Variants in CDH4 observed in about 807,000 individuals in gnomAD.
CDH4 encodes cadherin 4, also known as cadherin-4.
Under a neutral mutation model 86.0 loss-of-function variants are expected in CDH4, and 33 were observed. The observed-to-expected ratio is 0.38, with a 90% CI of 0.29 to 0.51. The LOEUF (loss-of-function observed/expected upper bound fraction) is 0.51, where lower values mean the gene tolerates loss of function less well. Ranked by LOEUF, CDH4 falls within the 20% of genes least tolerant of loss-of-function variation. CDH4 has a pLI of 0.86. For synonymous variants in CDH4, 555 were observed against 549.4 expected, an observed-to-expected ratio of 1.01 and a Z score of -0.14; for missense variants, 1,114 against 1,307.4, an observed-to-expected ratio of 0.85 and a Z score of 2.28.
intron 8 of CDH4, 146 bp downstream of exon 8, chr20:61,895,193 C>G (rs1317628717): frequency 6.0e-6 from 6 of 994,768 alleles, no homozygotes; most frequent in Non-Finnish European, 8.9e-6. Flanking sequence ...GCAGCGGAGG[C>G]TGCTGTGTGG....
intron 4 of CDH4, among the ~76,000 whole-genome samples, chr20:61,797,231 G>A (rs1248843558): frequency 2.0e-5 from 3 of 151,912 alleles, no homozygotes; most frequent in African/African-American, 7.3e-5. Flanking sequence ...CATCCATTCC[G>A]CAGGGTGGGG....
intron 3 of CDH4, among the ~76,000 whole-genome samples, chr20:61,771,981 G>C (rs1383975230): frequency 6.6e-6 from 1 of 152,196 alleles, no homozygotes; most frequent in Middle Eastern, 3.2e-3. Flanking sequence ...CTGGCAACTG[G>C]GAGGCAGAGG....
At chr20:61,557,503 C>T (rs990160869) in intron 2 of CDH4, among the ~76,000 whole-genome samples, 1 of 152,198 alleles carries the variant, frequency 6.6e-6, no homozygotes, top group Non-Finnish European at 1.5e-5. Flanking sequence ...TTATGCCCTC[C>T]AGGACCTTGG....
chr20:61,335,975 C>A (rs1398377936), intron 2 of CDH4, among the ~76,000 whole-genome samples: 1 of 152,060 alleles, frequency 6.6e-6, no homozygotes, highest in Non-Finnish European at 1.5e-5. Context: ...GAAACGCGGC[C>A]CACATCATGA....
At chr20:61,886,847 G>T (rs913765608) in intron 7 of CDH4, among the ~76,000 whole-genome samples, 2 of 152,222 alleles carry the variant, frequency 1.3e-5, no homozygotes, top group African/African-American at 2.4e-5. Context: ...TTGGGGCACC[G>T]GGAGGAGGTG....
intron 2 of CDH4, among the ~76,000 whole-genome samples, chr20:61,398,673 G>T (rs577775851): frequency 6.6e-6 from 1 of 152,184 alleles, no homozygotes; most frequent in Non-Finnish European, 1.5e-5. Flanking sequence ...CCATGTCTAC[G>T]AACTGAATTG....
intron 2 of CDH4, among the ~76,000 whole-genome samples, chr20:61,649,583 T>C (rs2087100260): frequency 6.6e-6 from 1 of 152,192 alleles, no homozygotes; most frequent in Non-Finnish European, 1.5e-5. Flanking sequence ...CCGGCACTGA[T>C]GACAGGTGCA....
At chr20:61,809,944 C>T (rs1273439813) in intron 4 of CDH4, among the ~76,000 whole-genome samples, 4 of 152,108 alleles carry the variant, frequency 2.6e-5, no homozygotes, top group Non-Finnish European at 5.9e-5. Context: ...CTGTTGCAGG[C>T]AGTCAGGGGA....
intron 2 of CDH4, among the ~76,000 whole-genome samples, chr20:61,604,927 C>T (rs6089431): frequency 6.6e-6 from 1 of 151,980 alleles, no homozygotes. Context: ...GGACAGGTTC[C>T]TGCTGTCACC....
intron 3 of CDH4, among the ~76,000 whole-genome samples, chr20:61,746,810 C>T (rs575777536): frequency 7.5e-4 from 114 of 152,372 alleles, no homozygotes; most frequent in African/African-American, 2.7e-3. Flanking sequence ...CTTCACAGTC[C>T]TGTGCTTATC....
At chr20:61,406,454 A>G (rs1303290731) in intron 2 of CDH4, among the ~76,000 whole-genome samples, 2 of 129,298 alleles carry the variant, frequency 1.5e-5, no homozygotes, top group South Asian at 2.7e-4. Flanking sequence ...CTGGACCACC[A>G]TCTGCCATCT....
chr20:61,457,478 TGAC>T (rs2085413851), intron 2 of CDH4, among the ~76,000 whole-genome samples: 1 of 152,268 alleles, frequency 6.6e-6, no homozygotes, highest in East Asian at 1.9e-4. Context: ...GCAGGGATGA[TGAC>T]AATGGTGGTG....
At chr20:61,859,743 T>C (rs1983231935) in intron 6 of CDH4, among the ~76,000 whole-genome samples, 1 of 152,272 alleles carries the variant, frequency 6.6e-6, no homozygotes, top group African/African-American at 2.4e-5. Flanking sequence ...TATTGGTCTG[T>C]GTGTCTCCTG....
At chr20:61,755,751 C>T (rs1051601791) in intron 3 of CDH4, among the ~76,000 whole-genome samples, 3 of 150,744 alleles carry the variant, frequency 2.0e-5, no homozygotes, top group Non-Finnish European at 4.4e-5. Flanking sequence ...GCACACACTA[C>T]ATGCCACACA....
intron 4 of CDH4, among the ~76,000 whole-genome samples, chr20:61,841,293 T>C (rs926936623): frequency 6.6e-6 from 1 of 152,238 alleles, no homozygotes; most frequent in African/African-American, 2.4e-5. Context: ...TGGTGGGCTC[T>C]GTACTCCACC....
Position 61,829,584 on chromosome 20 carries a change from G to A in CDH4, c.577-15084G>A, listed in dbSNP as rs75137000. On this transcript the variant is annotated intron_variant, in intron 4 of 15. Transcript: ENST00000614565. This position sits in a 1 kb window ranked among gnomAD's most constrained non-coding sequence, Gnocchi z 4.2. ...TGGAGGCCACGAGCCTGTTTTCCAC[G>A]GCGGCTCTGCGGGCCTCCTGTTGAG... Among the ~76,000 whole-genome samples the A allele has an allele frequency of 2.6e-5, 4 of 152,344 alleles. No homozygotes were observed. The highest frequency in any genetic ancestry group is 3.9e-4 in the East Asian group (2 of 5,178).
intron 7 of CDH4, among the ~76,000 whole-genome samples, chr20:61,889,868 T>G (rs1040533829): frequency 3.4e-5 from 5 of 148,414 alleles, no homozygotes; most frequent in Non-Finnish European, 7.4e-5. Context: ...GATGGATAGA[T>G]GGATGGTGGA....
intron 2 of CDH4, among the ~76,000 whole-genome samples, chr20:61,329,237 T>C (rs1041534967): frequency 2.0e-5 from 3 of 147,138 alleles, no homozygotes; most frequent in African/African-American, 7.5e-5. Flanking sequence ...ACAGTTGATA[T>C]GAAATATTCA....
chr20:61,492,818 G>A (rs896483476), intron 2 of CDH4, among the ~76,000 whole-genome samples: 2 of 152,164 alleles, frequency 1.3e-5, no homozygotes, highest in African/African-American at 4.8e-5. Flanking sequence ...AGAACATTTG[G>A]GGAAGGGCTA....
Sources: gnomAD v4.1 joint callset for allele counts (sites outside exome capture counted in the v4.1 genomes callset) on GRCh38, gnomAD v4.1.1 for gene constraint, Gnocchi (gnomAD v3.1) non-coding constraint, MANE v1.5 for transcripts, NCBI Gene and HGNC (gene_info 2026-07-23, HGNC 2026-07-21) for gene names.